KCNIP4: variants seen among roughly 807,000 people sequenced by gnomAD.
KCNIP4 encodes Kv channel-interacting protein 4.
KCNIP4 carries 12 observed loss-of-function variants against 34.0 expected under a neutral mutation model. That is an observed-to-expected ratio of 0.35 (90% confidence interval 0.23 to 0.57). KCNIP4 has a LOEUF of 0.57. KCNIP4 is among the 20% of genes least tolerant of loss of function. KCNIP4 has a pLI of 0.83. For missense variants in KCNIP4, 238 were observed against 311.7 expected (o/e 0.76, Z 1.78); for synonymous variants, 124 against 102.2 (o/e 1.21, Z -1.29).
chr4:20,756,348 C>T (rs1754443121), intron 4 of KCNIP4, among the ~76,000 whole-genome samples: 3 of 152,164 alleles, frequency 2.0e-5, no homozygotes, highest in African/African-American at 7.2e-5. Flanking sequence ...ATGGACTCCA[C>T]TATCCCATCG....
intron 1 of KCNIP4, among the ~76,000 whole-genome samples, chr4:21,647,490 T>C (rs1323679026): frequency 6.6e-6 from 1 of 152,168 alleles, no homozygotes; most frequent in Non-Finnish European, 1.5e-5. Context: ...ATAATCCTCA[T>C]TTTATTCCAT....
At chr4:21,709,419 C>T (rs1233832635) in intron 1 of KCNIP4, among the ~76,000 whole-genome samples, 1 of 152,126 alleles carries the variant, frequency 6.6e-6, no homozygotes, top group African/African-American at 2.4e-5. Flanking sequence ...TTCCTGAAGA[C>T]ATAGCAATTA....
chr4:21,097,209 A>T (rs1747538610), intron 1 of KCNIP4, among the ~76,000 whole-genome samples: 1 of 152,168 alleles, frequency 6.6e-6, no homozygotes, highest in South Asian at 2.1e-4. Flanking sequence ...TCCATCAGTG[A>T]GTGAATGGAT....
intron 3 of KCNIP4, among the ~76,000 whole-genome samples, chr4:20,803,560 G>A (rs1364031735): frequency 1.3e-5 from 2 of 150,772 alleles, no homozygotes; most frequent in East Asian, 3.9e-4. Flanking sequence ...GGGAGATTGA[G>A]GTTGGGAGGA....
intron 3 of KCNIP4, among the ~76,000 whole-genome samples, chr4:20,830,022 A>G (rs1718228247): frequency 6.6e-6 from 1 of 152,028 alleles, no homozygotes. Flanking sequence ...TCTAAATGTC[A>G]TCCTCCCTCC....
chr4:21,234,110 G>A lies in KCNIP4; in HGVS notation c.62-351401C>T, dbSNP rs183692048. Among the ~76,000 whole-genome samples the A allele has an allele frequency of 6.2e-3, 464 of 75,232 alleles. 48 individuals are homozygous for A. Among genetic ancestry groups the A allele is most frequent in the African/African-American group, 0.024 (163 of 6,680 alleles). 49.4% of individuals were successfully genotyped at this position (75,232 alleles called of 152,430 possible). ...GTATATTATATATAACATATATAACGTATATTATATATAACATATATAACG... is the reference window on the plus strand; with the variant it reads ...GTATATTATATATAACATATATAACATATATTATATATAACATATATAACG... On this transcript the variant is annotated intron_variant, in intron 1 of 8. Transcript: ENST00000382152.
At chr4:21,863,275 T>C (rs560651942) in intron 1 of KCNIP4, among the ~76,000 whole-genome samples, 49 of 151,904 alleles carry the variant, frequency 3.2e-4, no homozygotes, top group African/African-American at 1.1e-3. Flanking sequence ...TTTTTTTTTT[T>C]TGGCAGATGG....
intron 1 of KCNIP4, among the ~76,000 whole-genome samples, chr4:21,786,854 C>A (rs1719949300): frequency 6.6e-6 from 1 of 151,988 alleles, no homozygotes. Flanking sequence ...CCTGAGCCAC[C>A]GTGCCCCGCC....
chr4:21,111,424 C>T (rs1430255848), intron 1 of KCNIP4, among the ~76,000 whole-genome samples: 1 of 152,170 alleles, frequency 6.6e-6, no homozygotes, highest in Non-Finnish European at 1.5e-5. Context: ...AAATCCCAAA[C>T]AGATTTAGAG....
intron 5 of KCNIP4, among the ~76,000 whole-genome samples, chr4:20,744,610 C>A (rs1307847585): frequency 1.3e-5 from 2 of 151,542 alleles, no homozygotes; most frequent in Non-Finnish European, 2.9e-5. Flanking sequence ...CACACGGGGG[C>A]CTGATGAGGG....
intron 1 of KCNIP4, among the ~76,000 whole-genome samples, chr4:20,999,596 G>A (rs1737919954): frequency 1.3e-5 from 2 of 151,924 alleles, no homozygotes; most frequent in South Asian, 4.2e-4. Flanking sequence ...TGGTCTAAAG[G>A]TAAAGGGACT....
chr4:21,793,073 C>T (rs1720398091), intron 1 of KCNIP4, among the ~76,000 whole-genome samples: 1 of 152,154 alleles, frequency 6.6e-6, no homozygotes. Context: ...AGTCAACATT[C>T]ATGGGCAGTC....
At chr4:20,886,848 A>T (rs1725366900) in intron 1 of KCNIP4, among the ~76,000 whole-genome samples, 1 of 152,224 alleles carries the variant, frequency 6.6e-6, no homozygotes, top group Non-Finnish European at 1.5e-5. Context: ...AGAAGGCAAC[A>T]TGACCCAAAC....
chr4:21,378,346 C>A (rs569601008), intron 1 of KCNIP4, among the ~76,000 whole-genome samples: 57 of 152,278 alleles, frequency 3.7e-4, no homozygotes, highest in African/African-American at 1.3e-3. Context: ...ATAATAAATT[C>A]CTTTAATAAA....
chr4:20,804,591 C>T (rs544107061), intron 3 of KCNIP4, among the ~76,000 whole-genome samples: 2 of 151,942 alleles, frequency 1.3e-5, no homozygotes, highest in Non-Finnish European at 2.9e-5. Context: ...TCTCTACTAG[C>T]TCTTTCTTCA....
At chr4:21,087,081 G>C (rs1288230203) in intron 1 of KCNIP4, among the ~76,000 whole-genome samples, 1 of 149,338 alleles carries the variant, frequency 6.7e-6, no homozygotes, top group Non-Finnish European at 1.5e-5. Context: ...CCTGATTCAA[G>C]TGATTCTCCT....
At chr4:21,595,436 G>A (rs1435519721) in intron 1 of KCNIP4, among the ~76,000 whole-genome samples, 1 of 152,094 alleles carries the variant, frequency 6.6e-6, no homozygotes, top group African/African-American at 2.4e-5. Context: ...ACTATGAATA[G>A]TGCTACAGTA....
rs565401847 is a variant in KCNIP4 at position 20,833,171 on chromosome 4, T to C, written c.288+17372A>G. On this transcript the variant is annotated intron_variant, in intron 3 of 8. Coordinates refer to ENST00000382152, the MANE Select transcript of KCNIP4 (RefSeq NM_025221.6). ...ATGACCTATTACATGTGAAGGCATT[T>C]TATGATAACGTGCGGTGCACATTAG... 3.3e-5 allele frequency among the ~76,000 whole-genome samples: 5 copies of C among 152,374 alleles called. No individual in the cohort carries two copies. In the East Asian group the frequency reaches 9.6e-4, roughly 29 times the overall value.
intron 1 of KCNIP4, among the ~76,000 whole-genome samples, chr4:21,774,579 A>G (rs535402038): frequency 1.1e-4 from 17 of 152,096 alleles, no homozygotes; most frequent in Non-Finnish European, 1.5e-4. Context: ...ACTCCACTCA[A>G]TCGTAGGTTT....
Sources: gnomAD v4.1 joint callset for allele counts (sites outside exome capture counted in the v4.1 genomes callset) on GRCh38, gnomAD v4.1.1 for gene constraint, MANE v1.5 for transcripts, NCBI Gene and HGNC (gene_info 2026-07-23, HGNC 2026-07-21) for gene names.